Variants in SDCCAG8 observed in about 807,000 individuals in gnomAD.
The protein encoded by SDCCAG8 is SHH signaling and ciliogenesis regulator SDCCAG8.
SDCCAG8 carries 74 observed loss-of-function variants against 101.8 expected under a neutral mutation model. The ratio of observed to expected loss-of-function variants is 0.73; its 90% CI spans 0.60 to 0.88. SDCCAG8 has a LOEUF of 0.88. Ranked by LOEUF, SDCCAG8 falls within the 40% of genes least tolerant of loss-of-function variation. The pLI is 0.00. For synonymous variants in SDCCAG8, 281 were observed against 292.9 expected, an observed-to-expected ratio of 0.96 and a Z score of 0.41; for missense variants, 787 against 822.6, an observed-to-expected ratio of 0.96 and a Z score of 0.53.
chr1:243,259,615 T>C (rs1019140880), intron 1 of SDCCAG8, among the ~76,000 whole-genome samples: 1 of 151,474 alleles, frequency 6.6e-6, no homozygotes, highest in Non-Finnish European at 1.5e-5. Context: ...ACGTCTGGAG[T>C]TCGAGAACAG....
intron 9 of SDCCAG8, among the ~76,000 whole-genome samples, chr1:243,319,878 C>T (rs967733): frequency 6.6e-6 from 1 of 152,198 alleles, no homozygotes; most frequent in African/African-American, 2.4e-5. Flanking sequence ...CACTCTCTGA[C>T]TAGGGCCTTT....
At chr1:243,436,480 T>G (rs1281984815) in intron 16 of SDCCAG8, among the ~76,000 whole-genome samples, 1 of 152,246 alleles carries the variant, frequency 6.6e-6, no homozygotes, top group African/African-American at 2.4e-5. Flanking sequence ...TTAGCACTAT[T>G]TGTTAAAAAC....
In SDCCAG8 at chr1:243,474,839, C is replaced by T. The variant is rs1188015255; in HGVS notation, c.1986-14175C>T. On this transcript the variant is annotated intron_variant, in intron 16 of 17. Coordinates refer to ENST00000366541, the MANE Select transcript of SDCCAG8 (RefSeq NM_006642.5). This position sits in a 1 kb window ranked among gnomAD's most constrained non-coding sequence, Gnocchi z 4.7. ...GCACAGCCGCTCCTAACTCCGTCAA[C>T]GGAATTTCACTCAACTCCGAGACTG... Among the ~76,000 whole-genome samples, 3 of 152,350 alleles carry T rather than the reference C, an allele frequency of 2.0e-5. No homozygotes were observed. The highest frequency in any genetic ancestry group is 3.4e-3 in the Middle Eastern group (1 of 294).
intron 4 of SDCCAG8, among the ~76,000 whole-genome samples, chr1:243,276,947 A>G (rs1323549897): frequency 6.6e-6 from 1 of 152,136 alleles, no homozygotes; most frequent in Non-Finnish European, 1.5e-5. Context: ...ATATGAATTC[A>G]AGTTTCCTCC....
intron 16 of SDCCAG8, among the ~76,000 whole-genome samples, chr1:243,437,102 T>C (rs978343208): frequency 6.6e-6 from 1 of 152,230 alleles, no homozygotes; most frequent in African/African-American, 2.4e-5. Flanking sequence ...TTATCTTAAC[T>C]CTTAAGACTT....
In SDCCAG8 at chr1:243,489,083, C is replaced by G; in HGVS notation, c.2055C>G (p.Asn685Lys). 6.2e-7 allele frequency: 1 copy of G among 1,613,376 alleles called. No individual in the cohort carries two copies. Residue 685 changes from asparagine to lysine, a missense_variant, in exon 17 of 18, where the codon AAC becomes AAG. Coordinates refer to ENST00000366541, the MANE Select transcript of SDCCAG8 (RefSeq NM_006642.5). ...TGGTGCAGCTCCTCAGCAAGCAGAA[C>G]CAGCTTCTCCTGGAGAGGCAGAGCC... ...QQLVQLLSKQ[N>K]QLLLERQSLS...
intron 16 of SDCCAG8, among the ~76,000 whole-genome samples, chr1:243,437,531 C>CTTTTTTTT (rs931257839): frequency 7.7e-6 from 1 of 129,588 alleles, no homozygotes. Context: ...TGGAGGAATT[C>CTTTTTTTT]TTTTTTTTTT....
chr1:243,393,225 G>C (rs1310105250), intron 13 of SDCCAG8, among the ~76,000 whole-genome samples: 1 of 152,142 alleles, frequency 6.6e-6, no homozygotes, highest in East Asian at 1.9e-4. Context: ...TAGCACTTTG[G>C]GGTAAGGATG....
At chr1:243,358,361 C>G (rs2076509438) in intron 12 of SDCCAG8, among the ~76,000 whole-genome samples, 1 of 151,954 alleles carries the variant, frequency 6.6e-6, no homozygotes, top group African/African-American at 2.4e-5. Context: ...TGAAAAGATG[C>G]TCAACATCAT....
At chr1:243,401,884 G>A (rs1428843644) in intron 13 of SDCCAG8, among the ~76,000 whole-genome samples, 1 of 152,064 alleles carries the variant, frequency 6.6e-6, no homozygotes, top group Non-Finnish European at 1.5e-5. Flanking sequence ...ACTTATCAAG[G>A]TTAAAAAAGG....
intron 12 of SDCCAG8, among the ~76,000 whole-genome samples, chr1:243,355,980 G>A (rs1003346224): frequency 1.3e-5 from 2 of 152,308 alleles, no homozygotes; most frequent in East Asian, 1.9e-4. Flanking sequence ...AGAGGTGATT[G>A]TCATATCCTA....
chr1:243,268,761 A>C (rs975403516), intron 1 of SDCCAG8, among the ~76,000 whole-genome samples: 3 of 152,204 alleles, frequency 2.0e-5, no homozygotes, highest in African/African-American at 7.2e-5. Flanking sequence ...ACAAAATGGA[A>C]ACTGCTTTTC....
At chr1:243,336,330 A>G (rs1450698300) in intron 10 of SDCCAG8, among the ~76,000 whole-genome samples, 1 of 152,120 alleles carries the variant, frequency 6.6e-6, no homozygotes, top group African/African-American at 2.4e-5. Flanking sequence ...CTGGTGTGAA[A>G]TGGGATCTCA....
In SDCCAG8 at chr1:243,378,772, C is replaced by G. The variant is rs199919586; in HGVS notation, c.1525C>G (p.Gln509Glu). ...GGATGAAAGCAAACAACACTTGGAA[C>G]AGGAGCAGCAGAAGGCAGCCCTGGC... is the stretch of plus-strand genomic sequence containing the variant. ...ELDESKQHLE[Q>E]EQQKAALARE... Residue 509 changes from glutamine (Q) to glutamate (E), a missense_variant, in exon 13 of 18, where the codon CAG (glutamine) becomes GAG (glutamate). Physicochemically the swap from Gln to Glu is conservative, Grantham distance 29. Transcript: ENST00000366541. 282 of 1,614,012 alleles carry G rather than the reference C, an allele frequency of 1.7e-4. No homozygotes were observed. The South Asian group carries it at 1.8e-3, about 10-fold the overall frequency.
At chr1:243,346,866 A>G (rs953270331) in intron 12 of SDCCAG8, among the ~76,000 whole-genome samples, 2 of 150,444 alleles carry the variant, frequency 1.3e-5, no homozygotes, top group African/African-American at 4.8e-5. Context: ...CAATGGTTAT[A>G]CACACACACA....
intron 13 of SDCCAG8, among the ~76,000 whole-genome samples, chr1:243,391,595 C>A (rs1281140401): frequency 6.6e-6 from 1 of 152,160 alleles, no homozygotes; most frequent in African/African-American, 2.4e-5. Context: ...AGAGAGAGAG[C>A]CACAGGCTGC....
chr1:243,475,556 G>A (rs191476568), intron 16 of SDCCAG8, among the ~76,000 whole-genome samples: 3 of 152,224 alleles, frequency 2.0e-5, no homozygotes, highest in East Asian at 1.9e-4. Flanking sequence ...CCCCTCGTCC[G>A]CTCTCAGATC....
In SDCCAG8 at chr1:243,270,236, G is replaced by T. The variant is rs756518004; in HGVS notation, c.199G>T (p.Glu67Ter). 1 of 1,614,074 alleles carries T rather than the reference G, an allele frequency of 6.2e-7. No individual in the cohort carries two copies. The highest frequency in any genetic ancestry group is 8.5e-7 in the Non-Finnish European group (1 of 1,179,984). The change falls in exon 2 of 18, where the codon GAA (glutamate) becomes TAA (stop). Residue 67 changes from glutamate to a stop codon, truncating the protein, a stop_gained. Coordinates refer to ENST00000366541, the MANE Select transcript of SDCCAG8 (RefSeq NM_006642.5). LOFTEE classifies it high-confidence loss of function. The part of the protein sequence containing the change: ...GNEDARTAWP[E>*]LQQSHAVNQL... ...TGAGGACGCCAGGACAGCCTGGCCC[G>T]AATTACAACAGAGCCATGCTGGTGA...
At chr1:243,331,775 C>G (rs1470506995) in intron 10 of SDCCAG8, among the ~76,000 whole-genome samples, 1 of 152,180 alleles carries the variant, frequency 6.6e-6, no homozygotes, top group Non-Finnish European at 1.5e-5. Flanking sequence ...TTGCCTTCCT[C>G]TCTCTTATTC....
Sources: gnomAD v4.1 joint callset for allele counts (sites outside exome capture counted in the v4.1 genomes callset) on GRCh38, gnomAD v4.1.1 for gene constraint, Gnocchi (gnomAD v3.1) non-coding constraint, MANE v1.5 for transcripts, NCBI Gene and HGNC (gene_info 2026-07-23, HGNC 2026-07-21) for gene names.